Variants in IL2RA observed in about 807,000 individuals in gnomAD.
IL2RA encodes interleukin 2 receptor subunit alpha.
IL2RA carries 24 observed loss-of-function variants against 37.8 expected under a neutral mutation model. That is an observed-to-expected ratio of 0.63 (90% CI 0.46 to 0.89). The LOEUF is 0.89. IL2RA is among the 40% of genes least tolerant of loss of function. IL2RA has a pLI of 0.00. For synonymous variants in IL2RA, 125 were observed against 114.6 expected (o/e 1.09, Z -0.58); for missense variants, 319 against 348.6 (o/e 0.92, Z 0.68).
rs941666852 is a variant in IL2RA at position 6,020,955 on chromosome 10, G to GCA, written c.583+522_583+523insTG. Among the ~76,000 whole-genome samples the GCA allele has an allele frequency of 1.4e-5, 2 of 146,732 alleles. No individual in the cohort carries two copies. Among genetic ancestry groups the GCA allele is most frequent in the African/African-American group, 2.6e-5 (1 of 39,086 alleles). On this transcript the variant is annotated intron_variant, in intron 4 of 7. Coordinates refer to ENST00000379959, the MANE Select transcript of IL2RA (RefSeq NM_000417.3). The surrounding 1 kb of genome is among the most constrained non-coding windows in gnomAD (Gnocchi z 5.6). ...TATGTGTGTGTGTGTGTGTGTGTGC[G>GCA]CGCATGTGCACTGAGTAAGTCCCGA...
At chr10:6,061,297 G>T (rs1424653050) in intron 1 of IL2RA, among the ~76,000 whole-genome samples, 1 of 152,060 alleles carries the variant, frequency 6.6e-6, no homozygotes, top group East Asian at 1.9e-4. Flanking sequence ...TGAGGTGGGA[G>T]GATCGCTAAG....
intron 1 of IL2RA, among the ~76,000 whole-genome samples, chr10:6,053,105 C>G (rs1674175513): frequency 6.6e-6 from 1 of 152,212 alleles, no homozygotes; most frequent in Non-Finnish European, 1.5e-5. Flanking sequence ...ATTACTTCAC[C>G]TTTGTAAAAA....
At chr10:6,032,276 A>T (rs965945397) in intron 1 of IL2RA, among the ~76,000 whole-genome samples, 18 of 152,330 alleles carry the variant, frequency 1.2e-4, no homozygotes, top group Middle Eastern at 3.4e-3. Context: ...AGATTTCAGA[A>T]GAAAATTAAG....
chr10:6,018,853 A>C lies in IL2RA; in HGVS notation c.727+575T>G, dbSNP rs1320652305. ...CAGTCAACCAACCAACCTACCAATC[A>C]ACTAACCAACTAACAAACCTACTAA... On this transcript the variant is annotated intron_variant, in intron 6 of 7. Coordinates refer to ENST00000379959, the MANE Select transcript of IL2RA (RefSeq NM_000417.3). The surrounding 1 kb of genome is among the most constrained non-coding windows in gnomAD (Gnocchi z 5.1). Among the ~76,000 whole-genome samples the C allele has an allele frequency of 6.6e-6, 1 of 152,008 alleles. No homozygotes were observed. The highest frequency in any genetic ancestry group is 1.9e-4 in the East Asian group (1 of 5,188).
In IL2RA at chr10:6,031,362, T is replaced by G. The variant is rs12722675; in HGVS notation, c.65-5337A>C. On this transcript the variant is annotated intron_variant, in intron 1 of 7. Coordinates refer to ENST00000379959, the MANE Select transcript of IL2RA (RefSeq NM_000417.3). ...GATTTCAAGATAAGGAACATTATTC[T>G]CAGATAACATGATTGTTTACATAAA... 4.3e-3 allele frequency among the ~76,000 whole-genome samples: 640 copies of G among 149,396 alleles called. 1 individual carries two copies. The highest frequency in any genetic ancestry group is 0.014 in the African/African-American group (570 of 40,804).
intron 2 of IL2RA, among the ~76,000 whole-genome samples, chr10:6,024,777 G>C (rs375665118): frequency 2.6e-5 from 4 of 152,206 alleles, no homozygotes; most frequent in African/African-American, 9.7e-5. Flanking sequence ...CTGATCCTTT[G>C]CTCCCTAAGG....
In IL2RA at chr10:6,048,676, G is replaced by A. The variant is rs987775251; in HGVS notation, c.64+13412C>T. ...ATGGAGGTTACTCAATGCCCTATGG[G>A]TTTGCCTTTCTGCTTCCCTTCATTC... On this transcript the variant is annotated intron_variant, in intron 1 of 7. Transcript: ENST00000379959. This position sits in a 1 kb window ranked among gnomAD's most constrained non-coding sequence, Gnocchi z 5.3. Among the ~76,000 whole-genome samples the A allele has an allele frequency of 1.3e-5, 2 of 152,196 alleles. No individual in the cohort carries two copies. The highest frequency in any genetic ancestry group is 4.8e-5 in the African/African-American group (2 of 41,440).
At chr10:6,059,616 C>T (rs887469190) in intron 1 of IL2RA, among the ~76,000 whole-genome samples, 1 of 152,208 alleles carries the variant, frequency 6.6e-6, no homozygotes, top group Non-Finnish European at 1.5e-5. Flanking sequence ...CATTTTACCT[C>T]ATCCTAACTT....
chr10:6,024,995 G>A (rs1225976505), intron 2 of IL2RA, among the ~76,000 whole-genome samples: 1 of 152,220 alleles, frequency 6.6e-6, no homozygotes, highest in Non-Finnish European at 1.5e-5. Flanking sequence ...CACATTGGGA[G>A]GCTGAGGCAG....
At chr10:6,013,864 A>G (rs973234899) in intron 7 of IL2RA, among the ~76,000 whole-genome samples, 62 of 148,972 alleles carry the variant, frequency 4.2e-4, no homozygotes, top group African/African-American at 1.5e-3. Flanking sequence ...CAGCGTCTCA[A>G]TCTGTCACCC....
In IL2RA at chr10:6,044,528, G is replaced by A. The variant is rs1011806213; in HGVS notation, c.64+17560C>T. ...AGCAGGAACGCCTGGGTGTTGCCAT[G>A]GCAATGGTAAACTGACATGGCACAC... On this transcript the variant is annotated intron_variant, in intron 1 of 7. Transcript: ENST00000379959. The surrounding 1 kb of genome is among the most constrained non-coding windows in gnomAD (Gnocchi z 4.5). Among the ~76,000 whole-genome samples the A allele has an allele frequency of 8.5e-5, 13 of 152,214 alleles. No individual in the cohort carries two copies. The highest frequency in any genetic ancestry group is 1.2e-4 in the African/African-American group (5 of 41,448).
chr10:6,053,625 C>T (rs568380291), intron 1 of IL2RA, among the ~76,000 whole-genome samples: 9 of 152,236 alleles, frequency 5.9e-5, no homozygotes, highest in African/African-American at 2.2e-4. Flanking sequence ...AATAAAGAAA[C>T]CAATGGCTTT....
chr10:6,026,024 C>G lies in IL2RA; in HGVS notation c.66G>C (p.Glu22Asp). 1 of 1,612,784 alleles carries G rather than the reference C, an allele frequency of 6.2e-7. No homozygotes were observed. The highest frequency in any genetic ancestry group is 8.5e-7 in the Non-Finnish European group (1 of 1,180,002). The change falls in exon 2 of 8, where the codon GAG (glutamate) becomes GAC (aspartate). Residue 22 changes from glutamate (E) to aspartate (D), a missense_variant and splice_region_variant. Transcript: ENST00000379959. The stretch of plus-strand genomic sequence containing the variant: ...TCTCTGGCGGGTCATCGTCACAGAG[C>G]TCTGCAAAGCAAAAGAAGCCTATTA... ...TFIMVPGCQA[E>D]LCDDDPPEIP...
chr10:6,030,225 A>C (rs1470467315), intron 1 of IL2RA, among the ~76,000 whole-genome samples: 3 of 152,198 alleles, frequency 2.0e-5, no homozygotes, highest in Admixed American at 2.0e-4. Flanking sequence ...AGCAGAAAAA[A>C]TATATGAAGA....
Position 6,010,945 on chromosome 10 carries a change from TG to T in IL2RA, c.*1926del, listed in dbSNP as rs1384280810. 2 of 152,356 alleles carry T rather than the reference TG, an allele frequency of 1.3e-5. No individual in the cohort carries two copies. The highest frequency in any genetic ancestry group is 2.9e-5 in the Non-Finnish European group (2 of 68,052). The allele number at this position is 152,356 out of a possible 1,614,324, so 9.4% of individuals were successfully genotyped here. On this transcript the variant is annotated 3_prime_UTR_variant, in exon 8 of 8. Transcript: ENST00000379959. ...GATTTAAATATATATCTATATTTTC[TG>T]GTCTGAGATTCTTTTCAACTTTACT...
chr10:6,060,763 TA>T (rs12722488), intron 1 of IL2RA, among the ~76,000 whole-genome samples: 10 of 148,532 alleles, frequency 6.7e-5, no homozygotes, highest in Non-Finnish European at 1.0e-4. Context: ...TCTCAAAAAG[TA>T]AAAAAAAAAT....
At chr10:6,019,234 A>G (rs1194383221) in intron 6 of IL2RA, among the ~76,000 whole-genome samples, 194 bp downstream of exon 6, 6 of 152,214 alleles carry the variant, frequency 3.9e-5, no homozygotes, top group African/African-American at 1.4e-4. Context: ...CAACCAAGCA[A>G]CCAACCAACT....
In IL2RA at chr10:6,021,680, T is replaced by A. The variant is rs1404513355; in HGVS notation, c.381A>T (p.Glu127Asp). 5.0e-6 allele frequency: 8 copies of A among 1,613,730 alleles called. No individual in the cohort carries two copies. The Admixed American group carries it at 8.3e-5, about 17-fold the overall frequency. ...DQASLPGHCR[E>D]PPPWENEATE... ...TGGCTTCATTTTCCCATGGTGGAGG[T>A]TCCCTGCAGTGACCTGGAAGATGGA... Residue 127 changes from glutamate to aspartate, a missense_variant, in exon 4 of 8, where the codon GAA becomes GAT. Transcript: ENST00000379959. This position sits in a 1 kb window ranked among gnomAD's most constrained non-coding sequence, Gnocchi z 4.9.
intron 1 of IL2RA, among the ~76,000 whole-genome samples, chr10:6,027,934 G>A (rs12722682): frequency 1.9e-3 from 287 of 152,278 alleles, no homozygotes; most frequent in African/African-American, 6.4e-3. Flanking sequence ...AAAAACCAGT[G>A]AAGACTTCTG....
Sources: gnomAD v4.1 joint callset for allele counts (sites outside exome capture counted in the v4.1 genomes callset) on GRCh38, gnomAD v4.1.1 for gene constraint, Gnocchi (gnomAD v3.1) non-coding constraint, MANE v1.5 for transcripts, NCBI Gene and HGNC (gene_info 2026-07-23, HGNC 2026-07-21) for gene names.